The following THEMIS variants were observed in gnomAD, a reference collection of about 807,000 sequenced individuals.
The protein encoded by THEMIS is thymocyte selection associated.
THEMIS carries 37 observed loss-of-function variants against 52.6 expected under a neutral mutation model. That is an observed-to-expected ratio of 0.70 (90% CI 0.54 to 0.93). The LOEUF is 0.93. THEMIS is among the 40% of genes least tolerant of loss of function. THEMIS has a pLI of 0.00. For missense variants in THEMIS, 808 were observed against 763.1 expected (o/e 1.06, Z -0.69); for synonymous variants, 292 against 272.7 (o/e 1.07, Z -0.70).
At chr6:127,890,351 T>C (rs1231200390) in intron 1 of THEMIS, among the ~76,000 whole-genome samples, 1 of 152,204 alleles carries the variant, frequency 6.6e-6, no homozygotes, top group East Asian at 1.9e-4. Flanking sequence ...TAATATGTTT[T>C]ATTCTCATTC....
intron 4 of THEMIS, among the ~76,000 whole-genome samples, chr6:127,738,722 G>A (rs967306170): frequency 9.2e-5 from 14 of 152,064 alleles, no homozygotes; most frequent in African/African-American, 1.2e-4. Flanking sequence ...GGAAATTTCC[G>A]TTTAGCCCTT....
At chr6:127,806,243 A>G (rs1376810515) in intron 4 of THEMIS, among the ~76,000 whole-genome samples, 1 of 152,190 alleles carries the variant, frequency 6.6e-6, no homozygotes, top group African/African-American at 2.4e-5. Context: ...AGTGCAAAAT[A>G]ATTTAGTCCA....
intron 1 of THEMIS, among the ~76,000 whole-genome samples, chr6:127,878,086 TA>T (rs1233342932): frequency 5.9e-5 from 9 of 152,350 alleles, no homozygotes; most frequent in African/African-American, 1.9e-4. Context: ...TTCCTATTAA[TA>T]CAGGCTTTGT....
At chr6:127,792,897 C>T (rs1005193126) in intron 4 of THEMIS, among the ~76,000 whole-genome samples, 2 of 152,162 alleles carry the variant, frequency 1.3e-5, no homozygotes, top group African/African-American at 4.8e-5. Context: ...TTTCCCAAGC[C>T]TGGTCATGAT....
chr6:127,778,466 C>A (rs1412218808), intron 4 of THEMIS, among the ~76,000 whole-genome samples: 1 of 152,066 alleles, frequency 6.6e-6, no homozygotes, highest in Admixed American at 6.6e-5. Flanking sequence ...TTCAGTCTAA[C>A]AATTTCTGCC....
intron 4 of THEMIS, among the ~76,000 whole-genome samples, chr6:127,748,120 CT>C: frequency 6.6e-6 from 1 of 152,200 alleles, no homozygotes; most frequent in Non-Finnish European, 1.5e-5. Context: ...GCAGAATCTG[CT>C]GCTGTTAGGA....
intron 5 of THEMIS, among the ~76,000 whole-genome samples, chr6:127,715,997 C>G (rs1473986930): frequency 6.6e-6 from 1 of 151,812 alleles, no homozygotes; most frequent in Non-Finnish European, 1.5e-5. Flanking sequence ...GTTTCATTTT[C>G]TAGCCCAGGG....
In THEMIS at chr6:127,829,892, A is replaced by G. The variant is rs1044988362; in HGVS notation, c.293T>C (p.Met98Thr). The part of the protein sequence containing the change: ...IVADKTPYLT[M>T]EEITRTIHIG... ...ATGAATGGTCCTTGTGATTTCTTCC[A>G]TAGTAAGGTATGGAGTTTTATCAGC... Residue 98 changes from methionine to threonine, a missense_variant, in exon 3 of 6, where the codon ATG becomes ACG. By Grantham distance (81) the Met-to-Thr change is moderately conservative. Transcript: ENST00000368248. 6.2e-7 allele frequency: 1 copy of G among 1,613,814 alleles called. No homozygotes were observed. The highest frequency in any genetic ancestry group is 2.2e-5 in the East Asian group (1 of 44,856).
rs991503147 is a variant in THEMIS at position 127,709,991 on chromosome 6, T to A, written c.1920A>T (p.Gln640His). 1.3e-6 allele frequency: 2 copies of A among 1,589,416 alleles called. No individual in the cohort carries two copies. Among genetic ancestry groups the A allele is most frequent in the Admixed American group, 1.8e-5 (1 of 56,218 alleles). The change falls in exon 6 of 6, where the codon CAA (glutamine) becomes CAT (histidine). Residue 640 changes from glutamine to histidine, a missense_variant. Physicochemically the swap from Gln to His is conservative, Grantham distance 24. Transcript: ENST00000368248. ...IAETFKNEKH[Q>H]K ...TGGCTTCTGTCACATCTTGTTATTT[T>A]TGATGTTTTTCATTTTTGAATGTTT...
intron 4 of THEMIS, among the ~76,000 whole-genome samples, chr6:127,763,067 T>G (rs538521580): frequency 2.6e-4 from 39 of 151,978 alleles, no homozygotes; most frequent in Non-Finnish European, 4.9e-4. Context: ...GTATTCCCTT[T>G]GAAAAATTAA....
At chr6:127,815,370 C>G (rs72969618) in intron 3 of THEMIS, among the ~76,000 whole-genome samples, 1 of 151,710 alleles carries the variant, frequency 6.6e-6, no homozygotes, top group Non-Finnish European at 1.5e-5. Flanking sequence ...ACAGAATATC[C>G]TCTTATAAAA....
At chr6:127,777,592 G>A (rs377119028) in intron 4 of THEMIS, among the ~76,000 whole-genome samples, 39 of 152,116 alleles carry the variant, frequency 2.6e-4, no homozygotes, top group Non-Finnish European at 4.7e-4. Context: ...TCTGGGAATA[G>A]CATGCTAATT....
At chr6:127,753,891 T>TATA (rs1775730909) in intron 4 of THEMIS, among the ~76,000 whole-genome samples, 1 of 151,936 alleles carries the variant, frequency 6.6e-6, no homozygotes, top group African/African-American at 2.4e-5. Flanking sequence ...GGATAGATCT[T>TATA]ATAATAATAA....
intron 1 of THEMIS, among the ~76,000 whole-genome samples, chr6:127,908,457 T>TCGATCTG: frequency 6.6e-6 from 1 of 152,146 alleles, no homozygotes; most frequent in Non-Finnish European, 1.5e-5. Context: ...CTCAACTGAG[T>TCGATCTG]CGATCTGCGT....
intron 4 of THEMIS, among the ~76,000 whole-genome samples, chr6:127,754,686 A>C: frequency 6.6e-6 from 1 of 152,186 alleles, no homozygotes; most frequent in East Asian, 1.9e-4. Context: ...TAATGAGAAA[A>C]TAACCCTAAG....
At chr6:127,870,349 G>A (rs1053236017) in intron 1 of THEMIS, among the ~76,000 whole-genome samples, 24 of 152,142 alleles carry the variant, frequency 1.6e-4, no homozygotes, top group African/African-American at 5.8e-4. Flanking sequence ...ACTTCCTAAA[G>A]TGTCACAGAG....
chr6:127,765,534 T>C (rs750915088), intron 4 of THEMIS, among the ~76,000 whole-genome samples: 2 of 152,142 alleles, frequency 1.3e-5, no homozygotes, highest in Non-Finnish European at 2.9e-5. Flanking sequence ...TGTAAGGAAC[T>C]ACTACTCGAG....
At chr6:127,703,035 G>GGTTT in the THEMIS span, among the ~76,000 whole-genome samples, 62 of 82,374 alleles carry the variant, frequency 7.5e-4, 6 homozygotes, top group Admixed American at 1.1e-3. Context: ...TTTAGAATGA[G>GGTTT]TTTTTTTTTT....
chr6:127,830,586 T>G (rs928244604), intron 2 of THEMIS, among the ~76,000 whole-genome samples: 10 of 151,896 alleles, frequency 6.6e-5, no homozygotes, highest in Admixed American at 2.6e-4. Context: ...CTTGGGAGGC[T>G]GAGGTGACAG....
Sources: allele counts gnomAD v4.1 joint callset (sites outside exome capture counted in the v4.1 genomes callset), GRCh38; gene constraint gnomAD v4.1.1; transcripts MANE v1.5; gene names NCBI Gene and HGNC (gene_info 2026-07-23, HGNC 2026-07-21).